ANKFN1: variants seen among roughly 807,000 people sequenced by gnomAD.
ANKFN1 encodes the protein ankyrin repeat and fibronectin type-III domain-containing protein 1.
A neutral mutation model predicts 108.7 loss-of-function variants in ANKFN1; 74 were observed. The ratio of observed to expected loss-of-function variants is 0.68; its 90% CI spans 0.56 to 0.83. ANKFN1 has a LOEUF of 0.83. Ranked by LOEUF, ANKFN1 falls within the 40% of genes least tolerant of loss-of-function variation. The pLI is 0.00. For synonymous variants in ANKFN1, 547 were observed against 516.2 expected (o/e 1.06, Z -0.81); for missense variants, 1,505 against 1,382.3 (o/e 1.09, Z -1.41).
At chr17:56,289,458 A>G (rs1039596229) in intron 3 of ANKFN1, among the ~76,000 whole-genome samples, 2 of 152,204 alleles carry the variant, frequency 1.3e-5, no homozygotes, top group Non-Finnish European at 2.9e-5. Context: ...GCCAGTCCTC[A>G]GCTCCTTACC....
intron 3 of ANKFN1, among the ~76,000 whole-genome samples, chr17:56,230,875 A>G (rs1247434085): frequency 6.6e-6 from 1 of 152,084 alleles, no homozygotes; most frequent in South Asian, 2.1e-4. Flanking sequence ...CTCTCATTCA[A>G]TGCCCCATTG....
chr17:56,281,715 A>C (rs1016259151), intron 3 of ANKFN1, among the ~76,000 whole-genome samples: 10 of 152,206 alleles, frequency 6.6e-5, no homozygotes, highest in African/African-American at 2.2e-4. Flanking sequence ...AGAAGATATA[A>C]AAATAATTAG....
intron 4 of ANKFN1, among the ~76,000 whole-genome samples, chr17:56,133,727 T>C (rs1284800342): frequency 6.6e-6 from 1 of 152,182 alleles, no homozygotes; most frequent in East Asian, 1.9e-4. Context: ...TAGACAATCA[T>C]TGAATCTGTA....
chr17:56,054,030 A>AAT (rs1217731525), intron 4 of ANKFN1, among the ~76,000 whole-genome samples: 7 of 152,076 alleles, frequency 4.6e-5, no homozygotes, highest in African/African-American at 1.7e-4. Flanking sequence ...TGATTCTCTG[A>AAT]AGTCCGTTAT....
chr17:56,370,050 C>A (rs1420546877), intron 6 of ANKFN1, among the ~76,000 whole-genome samples: 1 of 152,088 alleles, frequency 6.6e-6, no homozygotes, highest in South Asian at 2.1e-4. Context: ...CAAGAAGACA[C>A]ATTCATTCAT....
At chr17:56,166,481 A>T (rs917474810) in intron 1 of ANKFN1, among the ~76,000 whole-genome samples, 6 of 152,158 alleles carry the variant, frequency 3.9e-5, no homozygotes, top group African/African-American at 9.7e-5. Context: ...CCTCAATGGG[A>T]TGATCTCTGA....
rs537712678 is a variant in ANKFN1 at position 56,052,329 on chromosome 17, C to G, written c.288+6004C>G. Among the ~76,000 whole-genome samples, 3 of 152,262 alleles carry G rather than the reference C, an allele frequency of 2.0e-5. No individual in the cohort carries two copies. The South Asian group carries it at 6.2e-4, about 32-fold the overall frequency. ...AACTGGGGAGCTACTGGAAGCTGGA[C>G]TCTGATCTGAGTGTGATTTCCAGTG... On this transcript the variant is annotated intron_variant, in intron 4 of 12. Transcript: ENST00000635860.
intron 1 of ANKFN1, among the ~76,000 whole-genome samples, chr17:56,181,752 G>A (rs741128): frequency 0.55 from 83,551 of 151,904 alleles, 23,246 homozygotes; most frequent in South Asian, 0.65. Context: ...ATATGCTTAT[G>A]TATAGAGGCA....
chr17:56,049,752 T>C (rs1261234376), intron 4 of ANKFN1, among the ~76,000 whole-genome samples: 1 of 148,212 alleles, frequency 6.7e-6, no homozygotes, highest in African/African-American at 2.5e-5. Flanking sequence ...TAGTATTCCA[T>C]GGTGTATATG....
chr17:56,429,223 A>G (rs183729411), intron 8 of ANKFN1, among the ~76,000 whole-genome samples: 1 of 152,338 alleles, frequency 6.6e-6, no homozygotes, highest in Non-Finnish European at 1.5e-5. Context: ...GGAGAGGCAT[A>G]AATGGGCTTG....
chr17:56,391,347 G>A (rs1304473511), intron 8 of ANKFN1, among the ~76,000 whole-genome samples: 2 of 138,552 alleles, frequency 1.4e-5, no homozygotes, highest in African/African-American at 5.8e-5. Context: ...TATTCTTGAA[G>A]GCCCAAGAAT....
chr17:56,153,620 G>C, intron 1 of ANKFN1, 90 bp downstream of exon 1: 1 of 1,542,610 alleles, frequency 6.5e-7, no homozygotes. Flanking sequence ...AGTTGAGTGG[G>C]CGAGTGAATT....
At chr17:56,346,604 G>T (rs2144648113) in intron 4 of ANKFN1, among the ~76,000 whole-genome samples, 1 of 152,022 alleles carries the variant, frequency 6.6e-6, no homozygotes, top group East Asian at 1.9e-4. Flanking sequence ...CTGGATTGCT[G>T]CAAGCCTTTG....
At chr17:56,432,112 A>G (rs908395467) in intron 8 of ANKFN1, among the ~76,000 whole-genome samples, 26 of 152,186 alleles carry the variant, frequency 1.7e-4, no homozygotes, top group Non-Finnish European at 1.9e-4. Flanking sequence ...CTGATTTCCA[A>G]TTGTCACTGG....
intron 4 of ANKFN1, among the ~76,000 whole-genome samples, chr17:56,103,259 G>T (rs1905682384): frequency 6.7e-6 from 1 of 149,632 alleles, no homozygotes; most frequent in Non-Finnish European, 1.5e-5. Flanking sequence ...CCTGAGTTCT[G>T]CAGGCTGCAT....
chr17:56,375,725 A>G (rs1459047366), intron 8 of ANKFN1, among the ~76,000 whole-genome samples: 1 of 152,182 alleles, frequency 6.6e-6, no homozygotes, highest in Non-Finnish European at 1.5e-5. Context: ...GGAAAGCCCA[A>G]AGGAAAAATG....
At chr17:56,242,389 A>G (rs1917650893) in intron 3 of ANKFN1, among the ~76,000 whole-genome samples, 1 of 152,122 alleles carries the variant, frequency 6.6e-6, no homozygotes, top group African/African-American at 2.4e-5. Context: ...AAAATGTTTT[A>G]TAGTATTCTC....
chr17:56,461,783 A>T (rs1350890630), intron 14 of ANKFN1, among the ~76,000 whole-genome samples: 1 of 152,150 alleles, frequency 6.6e-6, no homozygotes, highest in African/African-American at 2.4e-5. Context: ...TGTGGTAGAC[A>T]CTCAGTAAGT....
Position 56,050,771 on chromosome 17 carries a change from C to A in ANKFN1, c.288+4446C>A, listed in dbSNP as rs576683445. On this transcript the variant is annotated intron_variant, in intron 4 of 12. Transcript: ENST00000635860. Reference sequence around the variant, plus strand: ...ATCTATATCTCTGTTTTGGTACCATCAGAGAATACTACAAACACCTCTACG... The same window carrying A: ...ATCTATATCTCTGTTTTGGTACCATAAGAGAATACTACAAACACCTCTACG... Among the ~76,000 whole-genome samples, 20 of 152,212 alleles carry A rather than the reference C, an allele frequency of 1.3e-4. No homozygotes were observed. The East Asian group carries it at 3.5e-3, about 26-fold the overall frequency.
Sources: allele counts gnomAD v4.1 joint callset (sites outside exome capture counted in the v4.1 genomes callset), GRCh38; gene constraint gnomAD v4.1.1; transcripts MANE v1.5; gene names NCBI Gene and HGNC (gene_info 2026-07-23, HGNC 2026-07-21).